Variants in EBF3 observed in about 807,000 individuals in gnomAD.
EBF3 encodes the protein transcription factor COE3.
Under a neutral mutation model 77.1 loss-of-function variants are expected in EBF3, and 18 were observed. That is an observed-to-expected ratio of 0.23 (90% CI 0.16 to 0.35). The LOEUF (loss-of-function observed/expected upper bound fraction) is 0.35. EBF3 is among the 10% of genes least tolerant of loss of function. The pLI is 1.00. For synonymous variants in EBF3, 350 were observed against 343.5 expected (o/e 1.02, Z -0.21); for missense variants, 558 against 860.0 (o/e 0.65, Z 4.39).
chr10:129,896,613 G>A (rs1229907997), intron 6 of EBF3, among the ~76,000 whole-genome samples: 1 of 152,214 alleles, frequency 6.6e-6, no homozygotes, highest in East Asian at 1.9e-4. Context: ...GCGGCCTCCT[G>A]GCGAGCCTCC....
At chr10:129,882,549 G>A (rs776031688) in intron 6 of EBF3, among the ~76,000 whole-genome samples, 1 of 152,250 alleles carries the variant, frequency 6.6e-6, no homozygotes, top group Non-Finnish European at 1.5e-5. Flanking sequence ...GATGGCAAAA[G>A]GTGTTGAGCA....
intron 6 of EBF3, 125 bp from the exon 7 acceptor site, chr10:129,877,974 AG>A: frequency 1.4e-6 from 1 of 715,318 alleles, no homozygotes; most frequent in Non-Finnish European, 2.3e-6. Context: ...ACTTCCCTCT[AG>A]GGGGCGACAT....
intron 11 of EBF3, among the ~76,000 whole-genome samples, chr10:129,845,160 T>C (rs1178255490): frequency 2.0e-5 from 3 of 152,224 alleles, no homozygotes; most frequent in Non-Finnish European, 4.4e-5. Flanking sequence ...AGTGGTGGTC[T>C]TGTCATATCA....
Position 129,943,818 on chromosome 10 carries a change from T to C in EBF3, c.554+13440A>G, listed in dbSNP as rs948137225. Among the ~76,000 whole-genome samples, 1 of 152,184 alleles carries C rather than the reference T, an allele frequency of 6.6e-6. No individual in the cohort carries two copies. Among genetic ancestry groups the C allele is most frequent in the Non-Finnish European group, 1.5e-5 (1 of 68,032 alleles). ...TTTTGGGCTTGATCCTTTTGAGCAG[T>C]TTTTTTCTGTGCTGAGCTCTCTGGA... is the stretch of plus-strand genomic sequence containing the variant. On this transcript the variant is annotated intron_variant, in intron 6 of 16. Transcript: ENST00000440978. This position sits in a 1 kb window ranked among gnomAD's most constrained non-coding sequence, Gnocchi z 8.8.
At position 129,864,565 on chromosome 10, in the gene EBF3, G is replaced by A. The variant is rs976797513; in HGVS notation, c.1039+2576C>T. 4.6e-5 allele frequency among the ~76,000 whole-genome samples: 7 copies of A among 152,214 alleles called. No homozygotes were observed. The highest frequency in any genetic ancestry group is 8.8e-5 in the Non-Finnish European group (6 of 68,050). ...CACATATGCAAAGATCTGAACTCATGAAAGGATCCACTGAAGGCATCCACT... is the reference window on the plus strand; with the variant it reads ...CACATATGCAAAGATCTGAACTCATAAAAGGATCCACTGAAGGCATCCACT... On this transcript the variant is annotated intron_variant, in intron 10 of 16. Transcript: ENST00000440978. The surrounding 1 kb of genome is among the most constrained non-coding windows in gnomAD (Gnocchi z 4.4).
At position 129,879,267 on chromosome 10, in the gene EBF3, G is replaced by A. The variant is rs925389478; in HGVS notation, c.555-1418C>T. Among the ~76,000 whole-genome samples the A allele has an allele frequency of 4.6e-5, 7 of 152,162 alleles. No homozygotes were observed. The highest frequency in any genetic ancestry group is 1.7e-4 in the African/African-American group (7 of 41,434). On this transcript the variant is annotated intron_variant, in intron 6 of 16. Coordinates refer to ENST00000440978, the MANE Select transcript of EBF3 (RefSeq NM_001375380.1). The surrounding 1 kb of genome is among the most constrained non-coding windows in gnomAD (Gnocchi z 4.7). ...AGGTCCCAGAGCTTGGGTCTGTGCT[G>A]AAACACCCACTCTCTGCACGTGGCC...
chr10:129,836,775 AAAAAGG>A lies in EBF3; in HGVS notation c.*1162_*1167del, dbSNP rs1363033251. The A allele has an allele frequency of 2.6e-5, 4 of 152,596 alleles. No homozygotes were observed. The highest frequency in any genetic ancestry group is 9.6e-5 in the African/African-American group (4 of 41,454). 9.5% of individuals were successfully genotyped at this position (152,596 alleles called of 1,614,324 possible). A position where few individuals can be genotyped will look rare whatever the true frequency, so the allele number is the denominator to read the frequency against. On this transcript the variant is annotated 3_prime_UTR_variant, in exon 17 of 17. Transcript: ENST00000440978. ...AAAACCAATACAGACAAGAAAGAAG[AAAAAGG>A]AAAAGGTGGGAAAAGCAATGTACAA...
chr10:129,862,706 G>C (rs867586057), intron 10 of EBF3, among the ~76,000 whole-genome samples: 4 of 152,264 alleles, frequency 2.6e-5, no homozygotes, highest in East Asian at 3.9e-4. Context: ...CTTCACACTT[G>C]AAAACATGTC....
chr10:129,934,515 T>C (rs1857230466), intron 6 of EBF3, among the ~76,000 whole-genome samples: 2 of 152,190 alleles, frequency 1.3e-5, no homozygotes, highest in Admixed American at 1.3e-4. Context: ...CCCCTCCTGC[T>C]TCCTCATCTC....
chr10:129,839,270 C>T (rs1368894625), intron 15 of EBF3, 75 bp from the exon 16 acceptor site: 1 of 687,050 alleles, frequency 1.5e-6, no homozygotes, highest in Non-Finnish European at 2.3e-6. Flanking sequence ...GGATTTGAGT[C>T]ACTGGGAGGA....
rs1469599676 is a variant in EBF3 at position 129,943,205 on chromosome 10, C to A, written c.554+14053G>T. Among the ~76,000 whole-genome samples the A allele has an allele frequency of 2.0e-5, 3 of 152,204 alleles. No homozygotes were observed. The highest frequency in any genetic ancestry group is 4.8e-5 in the African/African-American group (2 of 41,456). ...AGCTCTTCATTGGGGCCAGGCCTGA[C>A]CCGGCCTTCCCAGTTGGAGGGGATT... On this transcript the variant is annotated intron_variant, in intron 6 of 16. Transcript: ENST00000440978. The surrounding 1 kb of genome is among the most constrained non-coding windows in gnomAD (Gnocchi z 8.8).
rs142676664 is a variant in EBF3 at position 129,918,159 on chromosome 10, G to C, written c.554+39099C>G. On this transcript the variant is annotated intron_variant, in intron 6 of 16. Transcript: ENST00000440978. ...GATGTGGGATTCACTCTCCCACCCA[G>C]CATTCCTGAGGCCGAGGGCTCCCAG... 5.5e-3 allele frequency among the ~76,000 whole-genome samples: 837 copies of C among 152,316 alleles called. 6 individuals carry two copies. The highest frequency in any genetic ancestry group is 0.019 in the African/African-American group (788 of 41,562).
rs1421555487 is a variant in EBF3, at chr10:129,959,976, C to T, written c.412-969G>A. ...CTCGGGTGGGTTTTGAGCAGAGGCT[C>T]CGCCAGATGGTGCGAAGCCCTAGGT... On this transcript the variant is annotated intron_variant, in intron 4 of 16. Transcript: ENST00000440978. Among the ~76,000 whole-genome samples the T allele has an allele frequency of 5.3e-5, 8 of 152,280 alleles. No individual in the cohort carries two copies. In the East Asian group the frequency reaches 5.8e-4, roughly 11 times the overall value.
intron 6 of EBF3, among the ~76,000 whole-genome samples, chr10:129,901,699 G>A (rs1391672129): frequency 1.3e-5 from 2 of 152,226 alleles, no homozygotes; most frequent in African/African-American, 4.8e-5. Context: ...ACTTTTAAGA[G>A]GAGATAAATC....
intron 6 of EBF3, among the ~76,000 whole-genome samples, chr10:129,881,985 G>A (rs1249703928): frequency 6.6e-6 from 1 of 152,236 alleles, no homozygotes; most frequent in Non-Finnish European, 1.5e-5. Flanking sequence ...GCAGCAGAAT[G>A]AGGACACCTT....
intron 6 of EBF3, among the ~76,000 whole-genome samples, chr10:129,917,667 A>AAC (rs1156274564): frequency 6.7e-6 from 1 of 149,664 alleles, no homozygotes; most frequent in East Asian, 1.9e-4. Context: ...AAAAAAAAAA[A>AAC]AAAAAAAAAA....
intron 6 of EBF3, among the ~76,000 whole-genome samples, chr10:129,915,616 C>G (rs964850338): frequency 6.6e-6 from 1 of 152,140 alleles, no homozygotes; most frequent in Non-Finnish European, 1.5e-5. Flanking sequence ...CAATGCTGGG[C>G]GAGCACAGCC....
In EBF3 at chr10:129,962,593, T is replaced by TAA. The variant is rs931900354; in HGVS notation, c.355+347_355+348dup. 2.3e-3 allele frequency among the ~76,000 whole-genome samples: 341 copies of TAA among 145,304 alleles called. 1 individual carries two copies. The highest frequency in any genetic ancestry group is 7.9e-3 in the African/African-American group (313 of 39,682). ...CTCTTTCTAATGTCTCTCGAGGATT[T>TAA]AAAAAAAAAAAACTCGTTCACAGGA... On this transcript the variant is annotated intron_variant, in intron 3 of 16. Transcript: ENST00000440978.
chr10:129,956,010 C>G lies in EBF3; in HGVS notation c.554+1248G>C, dbSNP rs138122027. Among the ~76,000 whole-genome samples the G allele has an allele frequency of 1.4e-4, 22 of 152,332 alleles. No individual in the cohort carries two copies. The East Asian group carries it at 4.0e-3, about 28-fold the overall frequency. On this transcript the variant is annotated intron_variant, in intron 6 of 16. Coordinates refer to ENST00000440978, the MANE Select transcript of EBF3 (RefSeq NM_001375380.1). ...TATATTGATTTTCATAGTTCGAGTT[C>G]TATAAAGTGTTGAACTTGTTCTCAA... is the stretch of plus-strand genomic sequence containing the variant.
Sources: gnomAD v4.1 joint callset for allele counts (sites outside exome capture counted in the v4.1 genomes callset) on GRCh38, gnomAD v4.1.1 for gene constraint, Gnocchi (gnomAD v3.1) non-coding constraint, MANE v1.5 for transcripts, NCBI Gene and HGNC (gene_info 2026-07-23, HGNC 2026-07-21) for gene names.